Variants in PRKG2 observed in about 807,000 individuals in gnomAD.
PRKG2 encodes the protein protein kinase cGMP-dependent 2, also known as cGMP-dependent protein kinase 2.
Under a neutral mutation model 97.2 loss-of-function variants are expected in PRKG2, and 33 were observed. The observed-to-expected ratio is 0.34, with a 90% confidence interval of 0.26 to 0.45. The LOEUF (loss-of-function observed/expected upper bound fraction) is 0.45, where lower values mean the gene tolerates loss of function less well. Ranked by LOEUF, PRKG2 falls within the 20% of genes least tolerant of loss-of-function variation. The pLI, the probability that PRKG2 is intolerant of heterozygous loss-of-function variation, is 1.00. For synonymous variants in PRKG2, 330 were observed against 321.8 expected, an observed-to-expected ratio of 1.03 and a Z score of -0.27; for missense variants, 638 against 900.0, an observed-to-expected ratio of 0.71 and a Z score of 3.73.
At chr4:81,216,357 A>G (rs535896214), upstream of PRKG2, among the ~76,000 whole-genome samples, 8 of 131,678 alleles carry the variant, frequency 6.1e-5, no homozygotes, top group Non-Finnish European at 1.3e-4. Flanking sequence ...TGTACATTTT[A>G]TAAAGACCTC....
At chr4:81,158,298 A>C (rs6856709) in intron 6 of PRKG2, among the ~76,000 whole-genome samples, 20,812 of 149,700 alleles carry the variant, frequency 0.14, 2,403 homozygotes, top group East Asian at 0.46. Context: ...AGACAAACAG[A>C]GAGCCAAATT....
intron 18 of PRKG2, among the ~76,000 whole-genome samples, chr4:81,090,777 T>C (rs1404088405): frequency 1.3e-5 from 2 of 152,176 alleles, no homozygotes; most frequent in African/African-American, 2.4e-5. Context: ...TTCCCACTTA[T>C]ATATGTGAGA....
chr4:81,138,733 G>C (rs1746965894), intron 12 of PRKG2, among the ~76,000 whole-genome samples: 1 of 151,668 alleles, frequency 6.6e-6, no homozygotes, highest in Admixed American at 6.5e-5. Context: ...TACATGCCAG[G>C]CACTTTGGAA....
chr4:81,167,347 G>C (rs1251696395), intron 5 of PRKG2, 123 bp from the exon 6 acceptor site: 1 of 564,250 alleles, frequency 1.8e-6, no homozygotes, highest in African/African-American at 1.9e-5. Flanking sequence ...TTCTTCCAAA[G>C]TAAATGTCCA....
rs1474530488 is a variant in PRKG2 at position 81,204,847 on chromosome 4, T to C, written c.201A>G (p.Glu67=). 6 of 1,614,156 alleles carry C rather than the reference T, an allele frequency of 3.7e-6. No homozygotes were observed. The highest frequency in any genetic ancestry group is 2.2e-5 in the South Asian group (2 of 91,076). ...ACTTGTTCTGGAGCTCCTCTGTGAG[T>C]TCAGCAATGGCCACAGTCTGCTTCG... ...QLSKQTVAIA[E]LTEELQNKCI... The change falls in exon 2 of 19, where the codon GAA becomes GAG. Residue 67 remains glutamate (E), a synonymous_variant. Transcript: ENST00000264399.
intron 1 of PRKG2, among the ~76,000 whole-genome samples, chr4:81,207,778 AAG>A (rs1560630758): frequency 6.6e-6 from 1 of 152,206 alleles, no homozygotes; most frequent in East Asian, 1.9e-4. Flanking sequence ...TAAGATACGT[AAG>A]TAAGTTACTA....
upstream of PRKG2, among the ~76,000 whole-genome samples, chr4:81,216,412 C>A: frequency 6.6e-6 from 1 of 150,890 alleles, no homozygotes. Context: ...AAGAATTCCA[C>A]AAGAAAAGAG....
chr4:81,096,852 T>C (rs1218683916), intron 17 of PRKG2, among the ~76,000 whole-genome samples: 3 of 152,182 alleles, frequency 2.0e-5, no homozygotes, highest in Non-Finnish European at 4.4e-5. Flanking sequence ...GTCTTCAACT[T>C]CCCAAAGCCA....
chr4:81,152,090 T>A (rs373098479), intron 7 of PRKG2, 36 bp from the exon 8 acceptor site: 4 of 1,501,300 alleles, frequency 2.7e-6, no homozygotes, highest in African/African-American at 1.4e-5. Flanking sequence ...AGAAAGAGAC[T>A]GAAGAAAAAG....
chr4:81,111,849 A>G (rs1004991451), intron 14 of PRKG2, among the ~76,000 whole-genome samples: 13 of 152,180 alleles, frequency 8.5e-5, no homozygotes, highest in African/African-American at 2.7e-4. Context: ...ATATATACAG[A>G]TATTATTCTA....
At chr4:81,193,624 G>A (rs1389791994) in intron 2 of PRKG2, among the ~76,000 whole-genome samples, 1 of 152,090 alleles carries the variant, frequency 6.6e-6, no homozygotes, top group East Asian at 1.9e-4. Flanking sequence ...CAGATCACCT[G>A]AGGTCAGGAG....
intron 2 of PRKG2, among the ~76,000 whole-genome samples, chr4:81,177,002 G>T (rs2110090675): frequency 6.6e-6 from 1 of 152,094 alleles, no homozygotes; most frequent in Non-Finnish European, 1.5e-5. Flanking sequence ...AGATAAGCTG[G>T]TATCCTTATC....
chr4:81,217,473 G>A (rs987693696), upstream of PRKG2, among the ~76,000 whole-genome samples: 4 of 152,168 alleles, frequency 2.6e-5, no homozygotes, highest in Non-Finnish European at 4.4e-5. Context: ...CTACCATGCT[G>A]AACAAGGAAA....
intron 2 of PRKG2, chr4:81,175,654 G>C (rs935457612): frequency 4.6e-5 from 7 of 152,078 alleles, no homozygotes; most frequent in Non-Finnish European, 1.0e-4. Flanking sequence ...TTTTACTCTA[G>C]ATATGGGTGG....
chr4:81,135,653 C>T (rs919613591), intron 13 of PRKG2, among the ~76,000 whole-genome samples: 6 of 152,116 alleles, frequency 3.9e-5, no homozygotes, highest in African/African-American at 1.4e-4. Context: ...TTGAACCAGA[C>T]TTTTGCAACT....
intron 17 of PRKG2, 152 bp from the exon 18 acceptor site, chr4:81,092,604 T>C (rs1321581714): frequency 1.6e-6 from 1 of 608,582 alleles, no homozygotes. Context: ...ATAGCACTTA[T>C]ATGCTAATTA....
At chr4:81,193,390 A>T (rs1169769961) in intron 2 of PRKG2, 2 of 152,156 alleles carry the variant, frequency 1.3e-5, no homozygotes, top group Non-Finnish European at 2.9e-5. Context: ...AACAGAGTCT[A>T]CAGGTCACAG....
rs891762012 is a variant in PRKG2, at chr4:81,111,438, T to C, written c.1777-827A>G. ...GTTATACATGATTAATATTATATCA[T>C]GTTATACATGATTAATATTATATCA... On this transcript the variant is annotated intron_variant, in intron 14 of 18. Coordinates refer to ENST00000264399, the MANE Select transcript of PRKG2 (RefSeq NM_006259.3). 2.6e-5 allele frequency among the ~76,000 whole-genome samples: 4 copies of C among 151,920 alleles called. No individual in the cohort carries two copies. In the East Asian group the frequency reaches 7.7e-4, roughly 29 times the overall value.
At position 81,204,842 on chromosome 4, in the gene PRKG2, G is replaced by C; in HGVS notation, c.206C>G (p.Thr69Arg). ...GATGCACTTGTTCTGGAGCTCCTCT[G>C]TGAGTTCAGCAATGGCCACAGTCTG... ...SKQTVAIAEL[T>R]EELQNKCIQL... Residue 69 changes from threonine (T) to arginine (R), a missense_variant, in exon 2 of 19, where the codon ACA (threonine) becomes AGA (arginine). Thr to Arg is a moderately conservative substitution (Grantham distance 71). Around this residue, in one of 3 missense-constraint regions of PRKG2, gnomAD observed 332 missense variants for 421.7 expected, o/e 0.79. Transcript: ENST00000264399. The C allele has an allele frequency of 3.7e-6, 6 of 1,614,206 alleles. No individual in the cohort carries two copies. Among genetic ancestry groups the C allele is most frequent in the Non-Finnish European group, 5.1e-6 (6 of 1,180,040 alleles).
Sources: allele counts gnomAD v4.1 joint callset (sites outside exome capture counted in the v4.1 genomes callset), GRCh38; gene constraint gnomAD v4.1.1; regional missense constraint gnomAD v4.1.1; transcripts MANE v1.5; gene names NCBI Gene and HGNC (gene_info 2026-07-23, HGNC 2026-07-21).